The following SIRT6 variants were observed in gnomAD, a reference collection of about 807,000 sequenced individuals.
SIRT6 encodes sirtuin 6.
SIRT6 carries 21 observed loss-of-function variants against 33.6 expected under a neutral mutation model. The ratio of observed to expected loss-of-function variants is 0.62; its 90% CI spans 0.44 to 0.90. The LOEUF is 0.90. SIRT6 is among the 40% of genes least tolerant of loss of function. SIRT6 has a pLI of 0.00. For missense variants in SIRT6, 504 were observed against 510.6 expected (o/e 0.99, Z 0.12); for synonymous variants, 221 against 223.9 (o/e 0.99, Z 0.12).
chr19:4,180,877 C>T lies in SIRT6; in HGVS notation c.99G>A (p.Lys33=). 6.2e-7 allele frequency: 1 copy of T among 1,613,560 alleles called. No homozygotes were observed. The highest frequency in any genetic ancestry group is 8.5e-7 in the Non-Finnish European group (1 of 1,179,812). ...AGACCAGCCTCGCCAGTTCCCACAC[C>T]TTCCGCTCCAGCTCCTCCGGGGGGT... The part of the protein sequence containing the change: ...IFDPPEELER[K]VWELARLVWQ... The change falls in exon 2 of 8, where the codon AAG becomes AAA. Residue 33 remains lysine, a synonymous_variant. Transcript: ENST00000337491.
chr19:4,182,338 C>T, intron 1 of SIRT6, 136 bp downstream of exon 1: 9 of 888,790 alleles, frequency 1.0e-5, no homozygotes, highest in Non-Finnish European at 1.5e-5. Flanking sequence ...CACTTCCCGC[C>T]CCTTCCTCAC....
At chr19:4,180,525 T>C (rs558994048) in intron 2 of SIRT6, 2 of 328,858 alleles carry the variant, frequency 6.1e-6, no homozygotes, top group African/African-American at 4.3e-5. Flanking sequence ...GGACTACAGA[T>C]GTGTGCCACC....
intron 1 of SIRT6, 120 bp downstream of exon 1, chr19:4,182,354 A>C (rs1967749784): frequency 1.0e-6 from 1 of 996,990 alleles, no homozygotes; most frequent in Non-Finnish European, 1.4e-6. Context: ...CTCACTGGGA[A>C]GTCCCTCCCA....
rs1178350378 is a variant in SIRT6, at chr19:4,175,156, G to A, written c.615-5C>T. The A allele has an allele frequency of 6.3e-7, 1 of 1,598,984 alleles. No individual in the cohort carries two copies. The highest frequency in any genetic ancestry group is 1.3e-5 in the African/African-American group (1 of 74,864). Reference sequence around the variant, plus strand: ...GTGATGGACAGGTCGGCGTTCCTGGGGCCGGGGAGCGTGGGCTGAGCCTGA... The same window carrying A: ...GTGATGGACAGGTCGGCGTTCCTGGAGCCGGGGAGCGTGGGCTGAGCCTGA... On this transcript the variant is annotated splice_polypyrimidine_tract_variant and splice_region_variant and intron_variant, in intron 6 of 7. Coordinates refer to ENST00000337491, the MANE Select transcript of SIRT6 (RefSeq NM_016539.4).
chr19:4,177,325 G>T (rs1023094537), intron 3 of SIRT6, among the ~76,000 whole-genome samples, 187 bp from the exon 4 acceptor site: 3 of 151,678 alleles, frequency 2.0e-5, no homozygotes, highest in Non-Finnish European at 4.4e-5. Flanking sequence ...TGCATCTCTG[G>T]GCAAGTGGAC....
intron 3 of SIRT6, 58 bp downstream of exon 3, chr19:4,179,046 T>C: frequency 3.2e-6 from 5 of 1,585,652 alleles, no homozygotes; most frequent in Non-Finnish European, 4.3e-6. Flanking sequence ...CCCCTAAAAA[T>C]GCAAACACGG....
intron 4 of SIRT6, among the ~76,000 whole-genome samples, 158 bp from the exon 5 acceptor site, chr19:4,176,095 C>A (rs556375783): frequency 6.6e-6 from 1 of 152,142 alleles, no homozygotes; most frequent in Admixed American, 6.5e-5. Context: ...CCATGAATAA[C>A]GGGCTGGGAT....
chr19:4,177,189 C>G, intron 3 of SIRT6, 51 bp from the exon 4 acceptor site: 1 of 1,593,338 alleles, frequency 6.3e-7, no homozygotes, highest in Non-Finnish European at 8.6e-7. Context: ...TCCCTGGATG[C>G]CCAGGCTTTG....
At chr19:4,180,085 C>T (rs1050916109) in intron 2 of SIRT6, among the ~76,000 whole-genome samples, 2 of 137,694 alleles carry the variant, frequency 1.5e-5, no homozygotes, top group South Asian at 2.3e-4. Flanking sequence ...GAGAAATTCA[C>T]GCCTTGGCTT....
rs1361458253 is a variant in SIRT6, at chr19:4,182,554, CG to C, written c.-16del. 1.0e-5 allele frequency: 16 copies of C among 1,607,504 alleles called. No individual in the cohort carries two copies. The highest frequency in any genetic ancestry group is 1.3e-5 in the Non-Finnish European group (15 of 1,177,596). On this transcript the variant is annotated 5_prime_UTR_variant, in exon 1 of 8. Transcript: ENST00000337491. The stretch of plus-strand genomic sequence containing the variant: ...TTCACCGACATCCTCGACTGCCCCA[CG>C]GGAACAATAAAGTTTCCCTTGTTGA...
intron 6 of SIRT6, 162 bp from the exon 7 acceptor site, chr19:4,175,313 TGCGGTCC>T (rs1967227294): frequency 1.0e-6 from 1 of 956,914 alleles, no homozygotes; most frequent in Admixed American, 2.8e-5. Flanking sequence ...TGCCCTCCTC[TGCGGTCC>T]GTTGGCGGGG....
chr19:4,176,317 G>T (rs1281959085), intron 4 of SIRT6, among the ~76,000 whole-genome samples: 1 of 152,196 alleles, frequency 6.6e-6, no homozygotes, highest in Non-Finnish European at 1.5e-5. Flanking sequence ...TGGGCCGGGC[G>T]TGGTGGCTCA....
chr19:4,177,161 C>T (rs369760006), intron 3 of SIRT6, 23 bp from the exon 4 acceptor site: 1 of 1,613,182 alleles, frequency 6.2e-7, no homozygotes, highest in Non-Finnish European at 8.5e-7. Context: ...CAGGAAGAGG[C>T]TTGATGGTGG....
At chr19:4,179,980 G>C (rs982739189) in intron 2 of SIRT6, among the ~76,000 whole-genome samples, 1 of 152,052 alleles carries the variant, frequency 6.6e-6, no homozygotes, top group Admixed American at 6.6e-5. Context: ...TCAGGGCTGG[G>C]GCAGGAAGGG....
rs142857915 is a variant in SIRT6, at chr19:4,175,856, C to G, written c.519G>C (p.Gly173=). Residue 173 remains glycine, a synonymous_variant, in exon 5 of 8, where the codon GGG becomes GGC. Coordinates refer to ENST00000337491, the MANE Select transcript of SIRT6 (RefSeq NM_016539.4). ...GRLCTVAKAR[G]LRACRGELRD... is the part of the protein sequence containing the mutation. The stretch of plus-strand genomic sequence containing the variant: ...GGGTGGCTCACCTGCAGGCTCGCAG[C>G]CCCCTTGCCTTAGCCACGGTGCAGA... The G allele has an allele frequency of 6.4e-7, 1 of 1,561,340 alleles. No homozygotes were observed. Among genetic ancestry groups the G allele is most frequent in the African/African-American group, 1.4e-5 (1 of 73,760 alleles).
At chr19:4,179,724 A>G (rs1967514792) in intron 2 of SIRT6, among the ~76,000 whole-genome samples, 1 of 152,200 alleles carries the variant, frequency 6.6e-6, no homozygotes, top group Non-Finnish European at 1.5e-5. Context: ...CTCTGGCCCC[A>G]AGAGTCAAGC....
chr19:4,179,327 A>T, intron 2 of SIRT6, 41 bp from the exon 3 acceptor site: 1 of 1,535,580 alleles, frequency 6.5e-7, no homozygotes, highest in Middle Eastern at 1.7e-4. Context: ...GGGAGAGGGG[A>T]ACAGAAAAAG....
At position 4,175,362 on chromosome 19, in the gene SIRT6, C is replaced by T. The variant is rs8110667; in HGVS notation, c.615-211G>A. 1.5e-3 allele frequency: 1,019 copies of T among 687,572 alleles called. 8 individuals carry two copies. In the African/African-American group the frequency reaches 0.016, roughly 11 times the overall value. The allele number at this position is 687,572 out of a possible 1,614,324, so 42.6% of individuals were successfully genotyped here. On this transcript the variant is annotated intron_variant, in intron 6 of 7. Coordinates refer to ENST00000337491, the MANE Select transcript of SIRT6 (RefSeq NM_016539.4). ...ATCTGGGCGGGCCCTTAGACACTTC[C>T]GGGGAGTATCACAGTGTGGTAAGAG...
At chr19:4,182,145 C>T (rs1967723490) in intron 1 of SIRT6, 2 of 310,086 alleles carry the variant, frequency 6.4e-6, no homozygotes, top group Admixed American at 5.2e-5. Context: ...GGCATTTGAG[C>T]CCCGTCCTGG....
Sources: gnomAD v4.1 joint callset for allele counts (sites outside exome capture counted in the v4.1 genomes callset) on GRCh38, gnomAD v4.1.1 for gene constraint, MANE v1.5 for transcripts, NCBI Gene and HGNC (gene_info 2026-07-23, HGNC 2026-07-21) for gene names.